Variants in KAZN observed in about 807,000 individuals in gnomAD.
KAZN encodes the protein kazrin.
Under a neutral mutation model 87.4 loss-of-function variants are expected in KAZN, and 40 were observed. That is an observed-to-expected ratio of 0.46 (90% CI 0.36 to 0.60). The LOEUF (loss-of-function observed/expected upper bound fraction) is 0.60, where lower values mean the gene tolerates loss of function less well. KAZN is among the 20% of genes least tolerant of loss of function. The pLI is 0.00. For missense variants in KAZN, 898 were observed against 1,073.9 expected, an observed-to-expected ratio of 0.84 and a Z score of 2.29; for synonymous variants, 466 against 458.3, an observed-to-expected ratio of 1.02 and a Z score of -0.22.
chr1:14,819,132 T>C (rs1646661936), intron 1 of KAZN, among the ~76,000 whole-genome samples: 1 of 152,168 alleles, frequency 6.6e-6, no homozygotes, highest in East Asian at 1.9e-4. Context: ...GAAATGAACC[T>C]CTGGCTTAAA....
chr1:14,738,044 G>T (rs1355103323), intron 1 of KAZN, among the ~76,000 whole-genome samples: 1 of 152,200 alleles, frequency 6.6e-6, no homozygotes, highest in Non-Finnish European at 1.5e-5. Context: ...AATCTTGGGG[G>T]TTTAGAATTC....
At chr1:13,998,587 A>T (rs2101133449) in intron 1 of KAZN, among the ~76,000 whole-genome samples, 1 of 151,922 alleles carries the variant, frequency 6.6e-6, no homozygotes, top group Admixed American at 6.6e-5. Flanking sequence ...AGTCTCTGAC[A>T]AAACAGACTT....
At chr1:14,230,270 C>G (rs774631440) in intron 2 of KAZN, among the ~76,000 whole-genome samples, 2 of 152,180 alleles carry the variant, frequency 1.3e-5, no homozygotes, top group Non-Finnish European at 2.9e-5. Flanking sequence ...TCCAAGGTGA[C>G]TTGGGAAGTT....
rs186642006 is a variant in KAZN, at chr1:14,531,547, G to A, written c.250-67436G>A. Among the ~76,000 whole-genome samples, 26 of 152,254 alleles carry A rather than the reference G, an allele frequency of 1.7e-4. No individual in the cohort carries two copies. The East Asian group carries it at 4.8e-3, about 28-fold the overall frequency. ...TCTCAGGGAGAGGGTGTAGAATGTG[G>A]GGAAGGACTAGAGGGGCTTGGGGAT... On this transcript the variant is annotated intron_variant, in intron 2 of 16. Coordinates refer to the KAZN transcript ENST00000636203.
At chr1:14,940,807 G>A (rs907876990) in intron 1 of KAZN, among the ~76,000 whole-genome samples, 1 of 151,884 alleles carries the variant, frequency 6.6e-6, no homozygotes, top group Non-Finnish European at 1.5e-5. Flanking sequence ...GGAAATGACT[G>A]CGGAGTGCTA....
intron 2 of KAZN, among the ~76,000 whole-genome samples, chr1:14,258,195 ATTCTTTCT>A (rs201211061): frequency 1.4e-4 from 20 of 142,412 alleles, no homozygotes; most frequent in South Asian, 2.3e-4. Context: ...ACATTTCAAG[ATTCTTTCT>A]TTCTTTCTTT....
chr1:15,065,967 G>A, intron 8 of KAZN: 1 of 1,380,520 alleles, frequency 7.2e-7, no homozygotes, highest in Non-Finnish European at 9.3e-7. Flanking sequence ...AAACACGAGT[G>A]TGAACCTCTC....
At chr1:14,042,798 T>G (rs1040159584) in intron 1 of KAZN, among the ~76,000 whole-genome samples, 2 of 152,234 alleles carry the variant, frequency 1.3e-5, no homozygotes, top group Non-Finnish European at 2.9e-5. Context: ...ATGTATCATC[T>G]TTCCAAAACT....
At chr1:14,834,904 T>G (rs977082717) in intron 1 of KAZN, among the ~76,000 whole-genome samples, 1 of 152,178 alleles carries the variant, frequency 6.6e-6, no homozygotes, top group Admixed American at 6.5e-5. Flanking sequence ...AAAGTGCTGG[T>G]TTGGGGCACT....
At chr1:14,150,577 CA>C (rs1645450416) in intron 1 of KAZN, among the ~76,000 whole-genome samples, 1 of 152,156 alleles carries the variant, frequency 6.6e-6, no homozygotes, top group Non-Finnish European at 1.5e-5. Context: ...GCATGTGATA[CA>C]AGAGGTGTAT....
intron 2 of KAZN, among the ~76,000 whole-genome samples, chr1:14,523,799 G>A (rs1365356081): frequency 1.3e-5 from 2 of 152,194 alleles, no homozygotes; most frequent in African/African-American, 4.8e-5. Context: ...GGGCTGCACA[G>A]AATGTGCTGG....
At chr1:14,973,409 T>C (rs1665283098) in intron 2 of KAZN, among the ~76,000 whole-genome samples, 2 of 152,190 alleles carry the variant, frequency 1.3e-5, no homozygotes, top group Admixed American at 1.3e-4. Flanking sequence ...CCAGTTGCCA[T>C]GAGAGCACAC....
At chr1:13,931,075 G>T (rs974751309) in intron 1 of KAZN, among the ~76,000 whole-genome samples, 8 of 152,194 alleles carry the variant, frequency 5.3e-5, no homozygotes, top group African/African-American at 1.9e-4. Flanking sequence ...AAATCTTGTG[G>T]TCAGAGCATC....
intron 2 of KAZN, among the ~76,000 whole-genome samples, chr1:14,505,383 C>T (rs543074560): frequency 8.5e-4 from 129 of 152,288 alleles, no homozygotes; most frequent in Non-Finnish European, 1.4e-3. Flanking sequence ...GTCTACTATG[C>T]TTCTTCCTTC....
intron 2 of KAZN, among the ~76,000 whole-genome samples, chr1:14,506,488 A>G (rs1280111577): frequency 2.0e-5 from 3 of 152,250 alleles, no homozygotes; most frequent in Admixed American, 6.5e-5. Flanking sequence ...TGGTTCAGAC[A>G]TCAGACTGCA....
At chr1:14,155,591 C>G (rs1285861899) in intron 1 of KAZN, among the ~76,000 whole-genome samples, 1 of 151,960 alleles carries the variant, frequency 6.6e-6, no homozygotes, top group East Asian at 1.9e-4. Flanking sequence ...GTTTGCTCTT[C>G]CTTTTCCAGT....
chr1:14,758,419 T>C (rs1258917240), intron 1 of KAZN, among the ~76,000 whole-genome samples: 3 of 152,212 alleles, frequency 2.0e-5, no homozygotes, highest in East Asian at 3.9e-4. Flanking sequence ...GTGATGCTTC[T>C]ACCTCAGCCT....
chr1:15,057,505 G>C (rs1420229771), intron 5 of KAZN, among the ~76,000 whole-genome samples: 1 of 152,216 alleles, frequency 6.6e-6, no homozygotes, highest in South Asian at 2.1e-4. Context: ...AGGGGACTTT[G>C]AGAACCCAGA....
chr1:14,409,590 A>T (rs1032621216), intron 2 of KAZN, among the ~76,000 whole-genome samples: 1 of 152,112 alleles, frequency 6.6e-6, no homozygotes, highest in Admixed American at 6.5e-5. Context: ...AGTGATATCC[A>T]TGGGGAATCT....
Sources: allele counts gnomAD v4.1 joint callset (sites outside exome capture counted in the v4.1 genomes callset), GRCh38; gene constraint gnomAD v4.1.1; transcripts MANE v1.5; gene names NCBI Gene and HGNC (gene_info 2026-07-23, HGNC 2026-07-21).